Variants in SOX5 observed in about 807,000 individuals in gnomAD.
The protein encoded by SOX5 is transcription factor SOX-5.
A neutral mutation model predicts 92.0 loss-of-function variants in SOX5; 9 were observed. The ratio of observed to expected loss-of-function variants is 0.10; its 90% confidence interval spans 0.06 to 0.17. SOX5 has a LOEUF of 0.17. Among genes scored for constraint, SOX5 ranks in the 10% least tolerant of loss-of-function variants. The pLI, the probability that SOX5 is intolerant of heterozygous loss-of-function variation, is 1.00. For synonymous variants in SOX5, 344 were observed against 336.3 expected (o/e 1.02, Z -0.25); for missense variants, 642 against 944.5 (o/e 0.68, Z 4.20).
At chr12:23,732,208 G>A (rs2093419568) in intron 6 of SOX5, among the ~76,000 whole-genome samples, 1 of 151,668 alleles carries the variant, frequency 6.6e-6, no homozygotes, top group Non-Finnish European at 1.5e-5. Context: ...AGGAGAAAAG[G>A]GAAGAAAAAA....
At chr12:24,426,399 T>A (rs1418561340) in intron 1 of SOX5, among the ~76,000 whole-genome samples, 1 of 152,180 alleles carries the variant, frequency 6.6e-6, no homozygotes. Context: ...ACATGGCACA[T>A]GTATGTATAC....
intron 2 of SOX5, among the ~76,000 whole-genome samples, chr12:24,320,128 G>T (rs1950069928): frequency 6.6e-6 from 1 of 152,140 alleles, no homozygotes; most frequent in African/African-American, 2.4e-5. Flanking sequence ...ATACAGAAAA[G>T]ATTTGGAAAA....
chr12:24,413,489 C>T (rs1161660248), intron 1 of SOX5, among the ~76,000 whole-genome samples: 1 of 152,184 alleles, frequency 6.6e-6, no homozygotes, highest in African/African-American at 2.4e-5. Flanking sequence ...TTAGCAACAA[C>T]TTCTGATGAC....
At chr12:24,246,117 C>A (rs567897672) in intron 3 of SOX5, among the ~76,000 whole-genome samples, 12 of 152,224 alleles carry the variant, frequency 7.9e-5, no homozygotes, top group Admixed American at 2.0e-4. Context: ...CTGGTGTATA[C>A]ATATTTAAAA....
intron 2 of SOX5, among the ~76,000 whole-genome samples, chr12:24,280,386 T>C (rs1021080981): frequency 2.0e-5 from 3 of 152,224 alleles, no homozygotes; most frequent in Admixed American, 1.3e-4. Flanking sequence ...CTGAGGTGCT[T>C]TGACGGGTCT....
intron 1 of SOX5, among the ~76,000 whole-genome samples, chr12:23,919,511 T>C (rs1460279528): frequency 1.3e-5 from 2 of 152,218 alleles, no homozygotes; most frequent in African/African-American, 4.8e-5. Context: ...CTAATACTTA[T>C]ATAGCAACTA....
At chr12:24,290,550 G>A (rs187420306) in intron 2 of SOX5, among the ~76,000 whole-genome samples, 1 of 152,222 alleles carries the variant, frequency 6.6e-6, no homozygotes, top group East Asian at 1.9e-4. Flanking sequence ...TACACAACTG[G>A]TCAGTGTTGG....
intron 3 of SOX5, among the ~76,000 whole-genome samples, chr12:23,783,195 AG>A (rs1320488448): frequency 6.6e-6 from 1 of 152,194 alleles, no homozygotes; most frequent in African/African-American, 2.4e-5. Context: ...CTAAAGAGTA[AG>A]GACATTGTCT....
chr12:24,294,452 T>G (rs576580855), intron 2 of SOX5, among the ~76,000 whole-genome samples: 1 of 152,182 alleles, frequency 6.6e-6, no homozygotes, highest in African/African-American at 2.4e-5. Context: ...TAAAGCACTT[T>G]AGTTTCTTGT....
chr12:24,515,160 T>C (rs1300626823), intron 1 of SOX5, among the ~76,000 whole-genome samples: 1 of 152,210 alleles, frequency 6.6e-6, no homozygotes, highest in Non-Finnish European at 1.5e-5. Flanking sequence ...CAGTATAATG[T>C]AGAAGTTAAA....
intron 4 of SOX5, among the ~76,000 whole-genome samples, chr12:24,028,106 G>T (rs1428648822): frequency 6.6e-6 from 1 of 151,944 alleles, no homozygotes; most frequent in Non-Finnish European, 1.5e-5. Flanking sequence ...AGGCAGGGAG[G>T]TTTCCCTGGC....
chr12:23,580,612 C>T (rs1367784463), intron 9 of SOX5, among the ~76,000 whole-genome samples: 1 of 152,020 alleles, frequency 6.6e-6, no homozygotes, highest in African/African-American at 2.4e-5. Context: ...GTCTTAGAAG[C>T]TCACTCATGA....
intron 2 of SOX5, among the ~76,000 whole-genome samples, chr12:24,306,403 A>G (rs922884321): frequency 6.6e-6 from 1 of 152,216 alleles, no homozygotes; most frequent in Non-Finnish European, 1.5e-5. Context: ...CGAAGTGTGG[A>G]CTGGGGTCAT....
chr12:23,726,144 A>T (rs1357954527), intron 6 of SOX5, among the ~76,000 whole-genome samples: 1,920 of 27,734 alleles, frequency 0.069, 75 homozygotes, highest in African/African-American at 0.13. Context: ...AGAGAGAGAG[A>T]GAGAGAGAGA....
intron 1 of SOX5, among the ~76,000 whole-genome samples, chr12:24,554,718 T>C (rs1480653329): frequency 6.6e-6 from 1 of 152,164 alleles, no homozygotes; most frequent in African/African-American, 2.4e-5. Flanking sequence ...AAAGCTTCCT[T>C]GCATACACAA....
At chr12:23,621,148 T>C (rs569418779) in intron 8 of SOX5, among the ~76,000 whole-genome samples, 2 of 152,166 alleles carry the variant, frequency 1.3e-5, no homozygotes, top group Admixed American at 1.3e-4. Flanking sequence ...TTAAAGTATA[T>C]GTTTGAGGGA....
intron 3 of SOX5, among the ~76,000 whole-genome samples, chr12:23,774,512 A>G (rs1650303848): frequency 6.6e-6 from 1 of 152,166 alleles, no homozygotes; most frequent in Non-Finnish European, 1.5e-5. Flanking sequence ...GCTGAGTCAA[A>G]TTTTTTGTAC....
At chr12:24,354,118 A>G (rs1161837719) in intron 2 of SOX5, among the ~76,000 whole-genome samples, 1 of 152,250 alleles carries the variant, frequency 6.6e-6, no homozygotes, top group East Asian at 1.9e-4. Context: ...CTGTGAAAAA[A>G]TGCTCTGGAG....
intron 2 of SOX5, among the ~76,000 whole-genome samples, chr12:24,298,126 G>A (rs1232961484): frequency 6.6e-6 from 1 of 152,150 alleles, no homozygotes; most frequent in African/African-American, 2.4e-5. Context: ...AGGCTGGAGT[G>A]CAGTGGCATA....
Sources: allele counts gnomAD v4.1 joint callset (sites outside exome capture counted in the v4.1 genomes callset), GRCh38; gene constraint gnomAD v4.1.1; transcripts MANE v1.5; gene names NCBI Gene and HGNC (gene_info 2026-07-23, HGNC 2026-07-21).